Variants in OTUD6B observed in about 807,000 individuals in gnomAD.
The protein encoded by OTUD6B is OTU deubiquitinase 6B.
Under a neutral mutation model 36.9 loss-of-function variants are expected in OTUD6B, and 41 were observed. That is an observed-to-expected ratio of 1.11 (90% confidence interval 0.87 to 1.44). The LOEUF (loss-of-function observed/expected upper bound fraction) is 1.44. OTUD6B is among the 40% of genes most tolerant of loss of function. The pLI is 0.00. For synonymous variants in OTUD6B, 114 were observed against 114.2 expected, an observed-to-expected ratio of 1.00 and a Z score of 0.01; for missense variants, 356 against 344.8, an observed-to-expected ratio of 1.03 and a Z score of -0.26.
intron 3 of OTUD6B, chr8:91,076,609 G>A (rs1812807407): frequency 5.2e-6 from 8 of 1,532,262 alleles, no homozygotes; most frequent in African/African-American, 1.4e-5. Context: ...GATAGAAGGA[G>A]CTCTCTGTGT....
intron 3 of OTUD6B, among the ~76,000 whole-genome samples, chr8:91,077,245 T>C (rs10095065): frequency 0.62 from 94,680 of 151,502 alleles, 29,967 homozygotes; most frequent in South Asian, 0.67. Flanking sequence ...TACACACACA[T>C]ACACATACAC....
intron 3 of OTUD6B, chr8:91,076,351 G>A: frequency 1.8e-6 from 1 of 561,482 alleles, no homozygotes; most frequent in African/African-American, 2.0e-5. Context: ...GTGCTCTTGG[G>A]AAACTATATA....
At position 91,071,170 on chromosome 8, in the gene OTUD6B, A is replaced by C. The variant is rs1812688519; in HGVS notation, c.115A>C (p.Lys39Gln). Residue 39 changes from lysine (K) to glutamine (Q), a missense_variant, in exon 2 of 7, where the codon AAG (lysine) becomes CAG (glutamine). Transcript: ENST00000404789. ...KIQGMKNAVP[K>Q]NDKKRRKQLT... ...TCAGGGCATGAAGAATGCTGTTCCCAAGAATGACAAGAAGAGGAGGAAGCA... is the reference window on the plus strand; with the variant it reads ...TCAGGGCATGAAGAATGCTGTTCCCCAGAATGACAAGAAGAGGAGGAAGCA... The C allele has an allele frequency of 6.2e-7, 1 of 1,613,472 alleles. No individual in the cohort carries two copies. Among genetic ancestry groups the C allele is most frequent in the South Asian group, 1.1e-5 (1 of 90,988 alleles).
chr8:91,080,533 C>T, intron 4 of OTUD6B, 136 bp from the exon 5 acceptor site: 1 of 1,432,784 alleles, frequency 7.0e-7, no homozygotes, highest in Non-Finnish European at 9.1e-7. Context: ...AGATTAGATT[C>T]TGGAGGATAA....
Position 91,071,237 on chromosome 8 carries a change from A to G in OTUD6B, c.182A>G (p.Gln61Arg). The change falls in exon 2 of 7, where the codon CAG (glutamine) becomes CGG (arginine). Residue 61 changes from glutamine (Q) to arginine (R), a missense_variant. By Grantham distance (43) the Gln-to-Arg change is conservative. Transcript: ENST00000404789. ...GCCAAGTTGGAAAAAGAAATGGAACAGAAACATAGAGAGGAACTGGAGCAA... is the reference window on the plus strand; with the variant it reads ...GCCAAGTTGGAAAAAGAAATGGAACGGAAACATAGAGAGGAACTGGAGCAA... ...DVAKLEKEME[Q>R]KHREELEQLK... is the part of the protein sequence containing the mutation. 6.2e-7 allele frequency: 1 copy of G among 1,613,996 alleles called. No individual in the cohort carries two copies. The highest frequency in any genetic ancestry group is 8.5e-7 in the Non-Finnish European group (1 of 1,179,842).
Position 91,085,866 on chromosome 8 carries a change from C to G in OTUD6B, c.*998C>G, listed in dbSNP as rs1418670999. The G allele has an allele frequency of 6.6e-6, 1 of 152,040 alleles. No individual in the cohort carries two copies. Among genetic ancestry groups the G allele is most frequent in the Admixed American group, 6.6e-5 (1 of 15,224 alleles). The allele number at this position is 152,040 out of a possible 1,614,324, so 9.4% of individuals were successfully genotyped here. On this transcript the variant is annotated 3_prime_UTR_variant, in exon 7 of 7. Coordinates refer to ENST00000404789, the MANE Select transcript of OTUD6B (RefSeq NM_016023.5). ...GATATTTCCCTTCTTGCCTCATTCTCTAGGATTTGAATAAAACCTTTGCCA... is the reference window on the plus strand; with the variant it reads ...GATATTTCCCTTCTTGCCTCATTCTGTAGGATTTGAATAAAACCTTTGCCA...
Position 91,084,132 on chromosome 8 carries a change from T to C in OTUD6B, c.797+18T>C. On this transcript the variant is annotated intron_variant, in intron 6 of 6. Transcript: ENST00000404789. ...ATACTTGTGTAAGTACCTAGACATT[T>C]TTACTGTTTTATTTTTCACAATTAA... 5 of 1,315,848 alleles carry C rather than the reference T, an allele frequency of 3.8e-6. No individual in the cohort carries two copies. Among genetic ancestry groups the C allele is most frequent in the Non-Finnish European group, 5.3e-6 (5 of 952,366 alleles). 81.5% of individuals were successfully genotyped at this position (1,315,848 alleles called of 1,614,324 possible).
intron 5 of OTUD6B, among the ~76,000 whole-genome samples, chr8:91,082,014 A>G (rs926231283): frequency 6.6e-6 from 1 of 152,046 alleles, no homozygotes; most frequent in Admixed American, 6.6e-5. Context: ...ACACTTATAC[A>G]TTTTTTTCAT....
At chr8:91,071,576 CT>C (rs1812700666) in intron 2 of OTUD6B, among the ~76,000 whole-genome samples, 1 of 152,046 alleles carries the variant, frequency 6.6e-6, no homozygotes, top group Admixed American at 6.5e-5. Flanking sequence ...TGTCGATCTC[CT>C]GACCTTGTGA....
chr8:91,072,401 T>G (rs1812718168), intron 2 of OTUD6B, among the ~76,000 whole-genome samples: 1 of 152,210 alleles, frequency 6.6e-6, no homozygotes, highest in South Asian at 2.1e-4. Context: ...GTGGTATTTA[T>G]TGTATGGGTT....
At position 91,078,374 on chromosome 8, in the gene OTUD6B, GA is replaced by G. The variant is rs1401917352; in HGVS notation, c.338del (p.Lys113ArgfsTer7). 1 of 1,578,684 alleles carries G rather than the reference GA, an allele frequency of 6.3e-7. No individual in the cohort carries two copies. On this transcript the variant is annotated frameshift_variant, in exon 4 of 7. Transcript: ENST00000404789. LOFTEE classifies it high-confidence loss of function. ...TTCTTAGGAAAAGAAAGCTGCATTG[GA>G]AAAGGAGCGAGAAGAACGGATAGCT... ...QKRREKKAAL[E>X]KEREERIAEA...
In OTUD6B at chr8:91,070,381, CG is replaced by C. The variant is rs1033514280; in HGVS notation, c.-3del. ...TAGCGCGTGTGCTGGGGTACCTGGT[CG>C]TCATGGAGGCGGTATTGACCGAAGA... On this transcript the variant is annotated 5_prime_UTR_variant, in exon 1 of 7. Coordinates refer to ENST00000404789, the MANE Select transcript of OTUD6B (RefSeq NM_016023.5). 1 of 1,609,986 alleles carries C rather than the reference CG, an allele frequency of 6.2e-7. No individual in the cohort carries two copies. Among genetic ancestry groups the C allele is most frequent in the African/African-American group, 1.3e-5 (1 of 74,832 alleles).
chr8:91,077,816 C>T (rs891306936), intron 3 of OTUD6B, among the ~76,000 whole-genome samples: 1 of 151,898 alleles, frequency 6.6e-6, no homozygotes, highest in African/African-American at 2.4e-5. Context: ...TTATGGGGAG[C>T]TTGAGTCTCT....
rs532279619 is a variant in OTUD6B, at chr8:91,071,493, C to T, written c.234+204C>T. ...CCTCCCGAGTAGCTGGTACTACGGG[C>T]GCCCGCCACTACGCCCGGCTAATTT... On this transcript the variant is annotated intron_variant, in intron 2 of 6. Transcript: ENST00000404789. 2.2e-3 allele frequency among the ~76,000 whole-genome samples: 339 copies of T among 151,610 alleles called. 1 individual carries two copies. Among genetic ancestry groups the T allele is most frequent in the Non-Finnish European group, 4.0e-3 (270 of 67,748 alleles).
intron 4 of OTUD6B, chr8:91,078,891 C>A: frequency 2.7e-6 from 1 of 372,860 alleles, no homozygotes; most frequent in Non-Finnish European, 4.8e-6. Flanking sequence ...TTATAATATG[C>A]TAATCATTTT....
intron 1 of OTUD6B, 123 bp from the exon 2 acceptor site, chr8:91,071,015 G>T: frequency 7.0e-7 from 1 of 1,436,174 alleles, no homozygotes; most frequent in Middle Eastern, 2.0e-4. Context: ...GTTACGTGAT[G>T]ACTCTTTCTT....
In OTUD6B at chr8:91,084,939, T is replaced by A. The variant is rs1812984657; in HGVS notation, c.*71T>A. Reference sequence around the variant, plus strand: ...TGAGTATTTCTACCAAGTGTTGGGTTGTTCTAAATGCTACTGAAAAACACA... The same window carrying A: ...TGAGTATTTCTACCAAGTGTTGGGTAGTTCTAAATGCTACTGAAAAACACA... On this transcript the variant is annotated 3_prime_UTR_variant, in exon 7 of 7. Coordinates refer to ENST00000404789, the MANE Select transcript of OTUD6B (RefSeq NM_016023.5). 4.3e-6 allele frequency: 3 copies of A among 694,512 alleles called. No homozygotes were observed. In the South Asian group the frequency reaches 7.9e-5, roughly 18 times the overall value. The allele number at this position is 694,512 out of a possible 1,614,324, so 43.0% of individuals were successfully genotyped here.
chr8:91,082,459 C>T (rs1812923784), intron 5 of OTUD6B, among the ~76,000 whole-genome samples: 1 of 151,998 alleles, frequency 6.6e-6, no homozygotes, highest in Admixed American at 6.6e-5. Context: ...TTGTTCACTA[C>T]AGTCTCAATC....
intron 5 of OTUD6B, among the ~76,000 whole-genome samples, chr8:91,082,317 A>C (rs1812921431): frequency 6.6e-6 from 1 of 152,102 alleles, no homozygotes; most frequent in Non-Finnish European, 1.5e-5. Flanking sequence ...TCATCAATGG[A>C]ATGTTCTTGT....
Sources: allele counts gnomAD v4.1 joint callset (sites outside exome capture counted in the v4.1 genomes callset), GRCh38; gene constraint gnomAD v4.1.1; transcripts MANE v1.5; gene names NCBI Gene and HGNC (gene_info 2026-07-23, HGNC 2026-07-21).